Variants in SV2C observed in about 807,000 individuals in gnomAD.
The protein encoded by SV2C is synaptic vesicle glycoprotein 2C.
In SV2C, 49 loss-of-function variants were observed where a neutral mutation model predicts 79.7. The observed-to-expected ratio is 0.61, with a 90% CI of 0.49 to 0.78. The LOEUF is 0.78. SV2C is among the 30% of genes least tolerant of loss of function. The pLI is 0.00. For missense variants in SV2C, 833 were observed against 912.9 expected (o/e 0.91, Z 1.13); for synonymous variants, 334 against 333.2 (o/e 1.00, Z -0.03).
chr5:75,886,157 A>C, the SV2C span, among the ~76,000 whole-genome samples: 3 of 152,268 alleles, frequency 2.0e-5, no homozygotes, highest in East Asian at 3.9e-4. Flanking sequence ...ATGAGACTCT[A>C]CTGAGAGCTG....
the SV2C span, among the ~76,000 whole-genome samples, chr5:75,938,222 A>G: frequency 2.3e-3 from 349 of 152,288 alleles, 1 homozygote; most frequent in African/African-American, 8.2e-3. Flanking sequence ...GTGTTGCTCG[A>G]GGACTGGTGT....
chr5:75,864,310 CTCCATCCA>C, the SV2C span, among the ~76,000 whole-genome samples: 4,034 of 149,682 alleles, frequency 0.027, 190 homozygotes, highest in African/African-American at 0.093. Context: ...TCCAGTGCCA[CTCCATCCA>C]TCCATCCATC....
the SV2C span, among the ~76,000 whole-genome samples, chr5:75,977,428 A>G: frequency 1.4e-4 from 22 of 152,220 alleles, no homozygotes; most frequent in South Asian, 8.3e-4. Flanking sequence ...TTGCCTTTAC[A>G]GAAAGTCCAC....
chr5:76,005,709 T>G, the SV2C span, among the ~76,000 whole-genome samples: 1 of 152,302 alleles, frequency 6.6e-6, no homozygotes, highest in Admixed American at 6.5e-5. Context: ...TTGCTCATAA[T>G]GTACAAAAAG....
intron 9 of SV2C, 139 bp downstream of exon 9, chr5:76,296,081 T>A: frequency 1.3e-6 from 1 of 751,884 alleles, no homozygotes; most frequent in Non-Finnish European, 2.0e-6. Flanking sequence ...ATGATGAATT[T>A]CAATACTTCT....
At chr5:76,000,518 C>T in the SV2C span, among the ~76,000 whole-genome samples, 6 of 152,196 alleles carry the variant, frequency 3.9e-5, no homozygotes, top group African/African-American at 1.4e-4. Context: ...TTTTAACAAG[C>T]TCCCCATGAT....
chr5:76,353,703 C>G (rs1373802185), exon 13 of SV2C: 2 of 152,242 alleles, frequency 1.3e-5, no homozygotes, highest in Non-Finnish European at 2.9e-5. Flanking sequence ...TGCCCCTCCT[C>G]TGAAATGCTC....
the SV2C span, among the ~76,000 whole-genome samples, chr5:75,979,986 A>AT: frequency 6.2e-3 from 950 of 152,296 alleles, 9 homozygotes; most frequent in African/African-American, 0.022. Context: ...ATCTAGACTA[A>AT]TAAGAAAAGA....
chr5:76,073,537 AT>A, the SV2C span, among the ~76,000 whole-genome samples: 1 of 135,660 alleles, frequency 7.4e-6, no homozygotes, highest in African/African-American at 2.7e-5. Context: ...ATATATATAT[AT>A]ATATATACAC....
intron 1 of SV2C, among the ~76,000 whole-genome samples, chr5:76,088,643 T>A (rs1368456168): frequency 6.6e-6 from 1 of 152,192 alleles, no homozygotes; most frequent in Non-Finnish European, 1.5e-5. Context: ...AACATATGAA[T>A]TTGAGAGGGA....
At chr5:75,889,600 C>A in the SV2C span, among the ~76,000 whole-genome samples, 2 of 151,954 alleles carry the variant, frequency 1.3e-5, no homozygotes, top group South Asian at 2.1e-4. Context: ...ATTTAGTGAC[C>A]ACATTTTAAC....
the SV2C span, among the ~76,000 whole-genome samples, chr5:75,858,140 C>T: frequency 1.6e-4 from 25 of 152,108 alleles, no homozygotes; most frequent in African/African-American, 1.9e-4. Context: ...CCCAGTCGTA[C>T]GGTGAATAAC....
intron 1 of SV2C, among the ~76,000 whole-genome samples, chr5:76,094,226 A>G (rs978559814): frequency 5.3e-5 from 8 of 152,338 alleles, no homozygotes; most frequent in Middle Eastern, 3.4e-3. Context: ...AACATAGATT[A>G]TAAATATATA....
chr5:76,267,772 A>C (rs1188265830), intron 4 of SV2C, among the ~76,000 whole-genome samples: 1 of 152,248 alleles, frequency 6.6e-6, no homozygotes, highest in African/African-American at 2.4e-5. Context: ...TTCCAGGCAG[A>C]CAACAGGGGT....
At chr5:76,039,666 G>C in the SV2C span, among the ~76,000 whole-genome samples, 1 of 149,752 alleles carries the variant, frequency 6.7e-6, no homozygotes, top group African/African-American at 2.5e-5. Context: ...AGGGGCAGGA[G>C]AATCGCTTGA....
the SV2C span, among the ~76,000 whole-genome samples, chr5:75,854,688 T>C: frequency 6.6e-6 from 1 of 152,174 alleles, no homozygotes; most frequent in African/African-American, 2.4e-5. Flanking sequence ...CATAATGGTA[T>C]CTTTTGAAGA....
chr5:76,131,261 C>T lies in SV2C; in HGVS notation c.-101-389C>T, dbSNP rs567272868. ...CTGGTTTGTCTTTGCAATATTTGTA[C>T]GTGTCTGTGAGCAATACTATTTTTC... is the stretch of plus-strand genomic sequence containing the variant. On this transcript the variant is annotated intron_variant, in intron 1 of 12. Transcript: ENST00000502798. 7.2e-5 allele frequency among the ~76,000 whole-genome samples: 11 copies of T among 152,222 alleles called. No individual in the cohort carries two copies. In the South Asian group the frequency reaches 8.3e-4, roughly 11 times the overall value.
the SV2C span, among the ~76,000 whole-genome samples, chr5:75,906,722 T>A: frequency 6.6e-6 from 1 of 152,182 alleles, no homozygotes; most frequent in Non-Finnish European, 1.5e-5. Flanking sequence ...GAAGCTTCCT[T>A]CCAGGGAGCC....
At chr5:76,075,636 G>A in the SV2C span, 2 of 246,650 alleles carry the variant, frequency 8.1e-6, no homozygotes, top group Non-Finnish European at 1.7e-5. Flanking sequence ...CCAGTGAGTG[G>A]CAGATCCACA....
Sources: gnomAD v4.1 joint callset for allele counts (sites outside exome capture counted in the v4.1 genomes callset) on GRCh38, gnomAD v4.1.1 for gene constraint, MANE v1.5 for transcripts, NCBI Gene and HGNC (gene_info 2026-07-23, HGNC 2026-07-21) for gene names.